STMN2: variants seen among roughly 807,000 people sequenced by gnomAD.
STMN2 encodes stathmin-2.
In STMN2, 2 loss-of-function variants were observed where a neutral mutation model predicts 24.1. The observed-to-expected ratio is 0.08, with a 90% CI of 0.03 to 0.26. The LOEUF (loss-of-function observed/expected upper bound fraction) is 0.26. Ranked by LOEUF, STMN2 falls within the 10% of genes least tolerant of loss-of-function variation. The pLI, the probability that STMN2 is intolerant of heterozygous loss-of-function variation, is 1.00. For synonymous variants in STMN2, 83 were observed against 77.5 expected, an observed-to-expected ratio of 1.07 and a Z score of -0.37; for missense variants, 114 against 213.6, an observed-to-expected ratio of 0.53 and a Z score of 2.91.
At chr8:79,620,841 C>G (rs1754494144) in intron 1 of STMN2, 1 of 321,824 alleles carries the variant, frequency 3.1e-6, no homozygotes, top group Non-Finnish European at 4.5e-6. Flanking sequence ...AGCCTCCACC[C>G]CCAGAGGTTC....
rs1479772887 is a variant in STMN2, at chr8:79,614,192, A to G, written c.19+2978A>G. ...GGCCATAATTTAACTGCATTTGCAA[A>G]TCATGAAAAAAACACTACTTCTGCA... On this transcript the variant is annotated intron_variant, in intron 1 of 4. Coordinates refer to ENST00000220876, the MANE Select transcript of STMN2 (RefSeq NM_007029.4). Among the ~76,000 whole-genome samples the G allele has an allele frequency of 5.3e-5, 8 of 152,174 alleles. No homozygotes were observed. In the East Asian group the frequency reaches 1.5e-3, roughly 29 times the overall value.
At chr8:79,647,957 C>T (rs1486460555) in intron 3 of STMN2, among the ~76,000 whole-genome samples, 1 of 152,220 alleles carries the variant, frequency 6.6e-6, no homozygotes, top group Non-Finnish European at 1.5e-5. Context: ...CATAACTATA[C>T]ATCCCAGTTG....
rs531999117 is a variant in STMN2 at position 79,654,921 on chromosome 8, G to A, written c.339G>A (p.Glu113=). ...AATTGGCAGAGAAGAGGGAACACGA[G>A]CGAGAAGTCCTTCAGAAGGCTTTGG... ...LKQLAEKREH[E]REVLQKALEE... is the part of the protein sequence containing the mutation. The change falls in exon 4 of 5, where the codon GAG becomes GAA. Residue 113 remains glutamate, a synonymous_variant. Transcript: ENST00000220876. 6.2e-7 allele frequency: 1 copy of A among 1,613,830 alleles called. No individual in the cohort carries two copies. Among genetic ancestry groups the A allele is most frequent in the South Asian group, 1.1e-5 (1 of 91,034 alleles).
intron 4 of STMN2, among the ~76,000 whole-genome samples, chr8:79,661,450 A>G (rs144399998): frequency 1.3e-5 from 2 of 152,188 alleles, no homozygotes; most frequent in African/African-American, 4.8e-5. Context: ...CATTCTTCTC[A>G]TCTTTTGTTT....
chr8:79,662,523 C>T (rs549478544), intron 4 of STMN2, among the ~76,000 whole-genome samples: 1 of 152,142 alleles, frequency 6.6e-6, no homozygotes, highest in Admixed American at 6.5e-5. Context: ...TATAAAGTCA[C>T]ATTAACAGTT....
chr8:79,641,496 C>T lies in STMN2; in HGVS notation c.234C>T (p.Asp78=). The part of the protein sequence containing the change: ...PRTLASPKKK[D]LSLEEIQKKL... ...CTTTAGCTTCTCCAAAGAAGAAAGA[C>T]CTGTCCCTGGAGGAGATCCAGAAGA... Residue 78 remains aspartate (D), a synonymous_variant, in exon 3 of 5, where the codon GAC becomes GAT. Coordinates refer to ENST00000220876, the MANE Select transcript of STMN2 (RefSeq NM_007029.4). The T allele has an allele frequency of 6.2e-7, 1 of 1,614,022 alleles. No homozygotes were observed. The highest frequency in any genetic ancestry group is 8.5e-7 in the Non-Finnish European group (1 of 1,179,980).
intron 1 of STMN2, chr8:79,620,876 TC>T (rs1487016729): frequency 1.4e-6 from 1 of 697,462 alleles, no homozygotes; most frequent in African/African-American, 1.9e-5. Flanking sequence ...CTGAAGCAGG[TC>T]CCATGGATTT....
intron 3 of STMN2, among the ~76,000 whole-genome samples, chr8:79,650,201 T>C (rs1810305297): frequency 6.6e-6 from 1 of 152,208 alleles, no homozygotes; most frequent in African/African-American, 2.4e-5. Context: ...GTACAGGTTA[T>C]TTAGAAGTGT....
At chr8:79,613,560 T>A (rs565290346) in intron 1 of STMN2, 626 of 985,502 alleles carry the variant, frequency 6.4e-4, no homozygotes, top group Non-Finnish European at 7.3e-4. Context: ...AGGTTTCCGC[T>A]GCAGGCTAGT....
intron 3 of STMN2, among the ~76,000 whole-genome samples, chr8:79,648,088 T>G (rs1211696459): frequency 6.6e-6 from 1 of 152,216 alleles, no homozygotes; most frequent in Non-Finnish European, 1.5e-5. Flanking sequence ...CAGGGCACAG[T>G]GTTTAAGGGC....
intron 4 of STMN2, among the ~76,000 whole-genome samples, chr8:79,657,045 T>G (rs985965845): frequency 3.3e-5 from 5 of 152,166 alleles, no homozygotes; most frequent in Non-Finnish European, 5.9e-5. Context: ...AGCTAATTTT[T>G]GTATTTTTAG....
intron 1 of STMN2, among the ~76,000 whole-genome samples, chr8:79,624,719 T>C (rs1383543289): frequency 2.6e-5 from 4 of 152,140 alleles, no homozygotes; most frequent in Non-Finnish European, 1.5e-5. Flanking sequence ...AGCTAAGAAG[T>C]CAAGAAGGAT....
At chr8:79,629,213 T>A (rs988242580) in intron 1 of STMN2, among the ~76,000 whole-genome samples, 6 of 152,132 alleles carry the variant, frequency 3.9e-5, no homozygotes, top group Non-Finnish European at 4.4e-5. Context: ...ATAAAATCAC[T>A]GCAACATCAG....
chr8:79,652,356 G>A (rs1452657368), intron 3 of STMN2, among the ~76,000 whole-genome samples: 1 of 152,052 alleles, frequency 6.6e-6, no homozygotes, highest in Non-Finnish European at 1.5e-5. Flanking sequence ...CTAAAATGAA[G>A]GTGCAAAGCT....
intron 1 of STMN2, among the ~76,000 whole-genome samples, chr8:79,619,124 AGT>A (rs1205906514): frequency 1.3e-5 from 2 of 152,028 alleles, no homozygotes; most frequent in Non-Finnish European, 2.9e-5. Context: ...CCCATTTAGC[AGT>A]TATTCTTCTG....
At chr8:79,656,966 T>A (rs564183325) in intron 4 of STMN2, among the ~76,000 whole-genome samples, 2 of 151,816 alleles carry the variant, frequency 1.3e-5, no homozygotes, top group Admixed American at 1.3e-4. Context: ...CTCTGCCTCC[T>A]GGGTTCAAGT....
At chr8:79,646,028 G>A (rs1226693266) in intron 3 of STMN2, among the ~76,000 whole-genome samples, 1 of 151,912 alleles carries the variant, frequency 6.6e-6, no homozygotes, top group Admixed American at 6.6e-5. Flanking sequence ...ACTCCTGTTA[G>A]TCATTGCCTG....
At chr8:79,654,071 T>C (rs1486525731) in intron 3 of STMN2, among the ~76,000 whole-genome samples, 2 of 152,116 alleles carry the variant, frequency 1.3e-5, no homozygotes. Context: ...CCAAAGAACC[T>C]TGGAATCAGA....
chr8:79,635,902 CTT>C (rs932998000), intron 1 of STMN2, among the ~76,000 whole-genome samples: 8 of 151,564 alleles, frequency 5.3e-5, no homozygotes, highest in African/African-American at 1.9e-4. Flanking sequence ...TAAAATAAAA[CTT>C]GAAATTAAAA....
Sources: gnomAD v4.1 joint callset for allele counts (sites outside exome capture counted in the v4.1 genomes callset) on GRCh38, gnomAD v4.1.1 for gene constraint, MANE v1.5 for transcripts, NCBI Gene and HGNC (gene_info 2026-07-23, HGNC 2026-07-21) for gene names.